The following USP34 variants were observed in gnomAD, a reference collection of about 807,000 sequenced individuals.
The protein encoded by USP34 is ubiquitin carboxyl-terminal hydrolase 34.
Under a neutral mutation model 460.3 loss-of-function variants are expected in USP34, and 70 were observed. The ratio of observed to expected loss-of-function variants is 0.15; its 90% CI spans 0.13 to 0.19. The LOEUF is 0.19. USP34 is among the 10% of genes least tolerant of loss of function. The pLI is 1.00. For missense variants in USP34, 3,985 were observed against 4,236.2 expected, an observed-to-expected ratio of 0.94 and a Z score of 1.65; for synonymous variants, 1,647 against 1,405.3, an observed-to-expected ratio of 1.17 and a Z score of -3.85.
At chr2:61,268,759 A>G (rs1287842425) in intron 41 of USP34, among the ~76,000 whole-genome samples, 1 of 152,184 alleles carries the variant, frequency 6.6e-6, no homozygotes, top group East Asian at 1.9e-4. Flanking sequence ...ATATAAAAAT[A>G]GAAAATAGGA....
intron 68 of USP34, 57 bp from the exon 69 acceptor site, chr2:61,211,986 A>G (rs576534916): frequency 6.6e-7 from 1 of 1,521,830 alleles, no homozygotes; most frequent in East Asian, 2.5e-5. Flanking sequence ...TTAGAAGGTC[A>G]GTTTCTCATT....
chr2:61,398,563 G>A (rs1250414485), intron 3 of USP34, among the ~76,000 whole-genome samples: 14 of 49,286 alleles, frequency 2.8e-4, no homozygotes, highest in Non-Finnish European at 2.7e-4. Flanking sequence ...AGGCGGAAGC[G>A]GGAAGAGGGG....
At chr2:61,395,122 G>A in intron 4 of USP34, 61 bp downstream of exon 4, 1 of 1,443,118 alleles carries the variant, frequency 6.9e-7, no homozygotes, top group South Asian at 1.3e-5. Context: ...AAAACATATG[G>A]ATGAGGCTTT....
chr2:61,239,468 C>T (rs78404002), intron 53 of USP34, among the ~76,000 whole-genome samples: 9,457 of 152,142 alleles, frequency 0.062, 546 homozygotes, highest in South Asian at 0.25. Context: ...CTGTTGGGTA[C>T]TTATATAAAG....
chr2:61,227,909 CTTAT>C (rs1032567674), intron 61 of USP34, among the ~76,000 whole-genome samples: 7 of 151,702 alleles, frequency 4.6e-5, no homozygotes, highest in Admixed American at 1.3e-4. Flanking sequence ...ATAAGAAATT[CTTAT>C]TTATAGTTCC....
chr2:61,379,326 C>G (rs1184301058), intron 7 of USP34, among the ~76,000 whole-genome samples: 1 of 152,134 alleles, frequency 6.6e-6, no homozygotes, highest in Non-Finnish European at 1.5e-5. Flanking sequence ...CCAGACCAGC[C>G]TGGCCAACAC....
At chr2:61,419,299 CACCACACCCG>C (rs1173048005) in intron 2 of USP34, among the ~76,000 whole-genome samples, 1 of 151,848 alleles carries the variant, frequency 6.6e-6, no homozygotes, top group Non-Finnish European at 1.5e-5. Flanking sequence ...AGGCATGAGC[CACCACACCCG>C]GCCAGGCCAC....
intron 1 of USP34, among the ~76,000 whole-genome samples, chr2:61,448,261 G>A (rs1695175484): frequency 6.6e-6 from 1 of 152,192 alleles, no homozygotes; most frequent in African/African-American, 2.4e-5. Flanking sequence ...ACTGCTTCAG[G>A]CCAGGAGTTC....
At position 61,278,798 on chromosome 2, in the gene USP34, T is replaced by C. The variant is rs116667718; in HGVS notation, c.5257-355A>G. 4.7e-3 allele frequency among the ~76,000 whole-genome samples: 721 copies of C among 151,874 alleles called. 6 individuals are homozygous for C. The highest frequency in any genetic ancestry group is 8.5e-3 in the Admixed American group (130 of 15,258). On this transcript the variant is annotated intron_variant, in intron 39 of 79. Transcript: ENST00000398571. Reference sequence around the variant, plus strand: ...TAAAGTATAATAAAAAAAAAAGTCATAGTAATCTATTAAGACACTGAAGTT... The same window carrying C: ...TAAAGTATAATAAAAAAAAAAGTCACAGTAATCTATTAAGACACTGAAGTT...
chr2:61,204,216 G>C, intron 74 of USP34, 40 bp downstream of exon 74: 2 of 1,613,408 alleles, frequency 1.2e-6, no homozygotes, highest in Non-Finnish European at 1.7e-6. Context: ...AAATTACTTT[G>C]TACTATAGCA....
At chr2:61,378,673 A>C (rs1030825319) in intron 7 of USP34, among the ~76,000 whole-genome samples, 1 of 152,166 alleles carries the variant, frequency 6.6e-6, no homozygotes, top group African/African-American at 2.4e-5. Context: ...TAGGAGGCCA[A>C]GGCAGGTGGA....
At chr2:61,204,169 A>T in intron 74 of USP34, 87 bp downstream of exon 74, 1 of 1,566,896 alleles carries the variant, frequency 6.4e-7, no homozygotes, top group Non-Finnish European at 8.7e-7. Context: ...TGGTCACTTA[A>T]GTCTAACCTA....
chr2:61,188,921 C>A lies in USP34; in HGVS notation c.10022G>T (p.Arg3341Ile). 1 of 1,614,040 alleles carries A rather than the reference C, an allele frequency of 6.2e-7. No individual in the cohort carries two copies. The highest frequency in any genetic ancestry group is 1.3e-5 in the African/African-American group (1 of 75,030). ...TCCATAAAGCTAACCTTTAGTTTTT[C>A]TTTCTTTGGCTTCTTGCTCTTGGAG... ...NSLQEQEAKE[R>I]KTKDDEGATP... Residue 3341 changes from arginine (R) to isoleucine (I), a missense_variant, in exon 79 of 80, where the codon AGA becomes ATA. Arg to Ile is a moderately conservative substitution (Grantham distance 97). Around this residue, in one of 14 missense-constraint regions of USP34, gnomAD observed 506 missense variants for 439.0 expected, o/e 1.15. Coordinates refer to ENST00000398571, the MANE Select transcript of USP34 (RefSeq NM_014709.4).
intron 75 of USP34, among the ~76,000 whole-genome samples, chr2:61,197,129 C>G: frequency 6.6e-6 from 1 of 151,694 alleles, no homozygotes; most frequent in Non-Finnish European, 1.5e-5. Flanking sequence ...AAATAAAATA[C>G]AAGAATTAGT....
At chr2:61,197,812 T>C (rs1488360509) in intron 75 of USP34, among the ~76,000 whole-genome samples, 1 of 152,128 alleles carries the variant, frequency 6.6e-6, no homozygotes, top group East Asian at 1.9e-4. Context: ...CAGGCTGGAG[T>C]GCAGTGGCTC....
At chr2:61,403,352 CATT>C (rs1458834888) in intron 3 of USP34, among the ~76,000 whole-genome samples, 1 of 152,062 alleles carries the variant, frequency 6.6e-6, no homozygotes, top group Non-Finnish European at 1.5e-5. Flanking sequence ...AGTTCTATAT[CATT>C]AAGAAATTTT....
intron 74 of USP34, among the ~76,000 whole-genome samples, chr2:61,203,829 C>A (rs1687039673): frequency 1.3e-5 from 2 of 151,196 alleles, no homozygotes; most frequent in Non-Finnish European, 2.9e-5. Context: ...AAGAAAGGAA[C>A]CAGACTAAAA....
rs777446822 is a variant in USP34 at position 61,188,020 on chromosome 2, C to G, written c.*82G>C. The G allele has an allele frequency of 1.1e-5, 16 of 1,523,534 alleles. No homozygotes were observed. The highest frequency in any genetic ancestry group is 1.4e-5 in the Non-Finnish European group (16 of 1,138,758). 94.4% of individuals were successfully genotyped at this position (1,523,534 alleles called of 1,614,324 possible). A position where few individuals can be genotyped will look rare whatever the true frequency, so the allele number is the denominator to read the frequency against. ...AGAGAGCACTGGACAAACTGAAGCA[C>G]AAAAACAAATAAGCAAAACTTATAC... On this transcript the variant is annotated 3_prime_UTR_variant, in exon 80 of 80. Transcript: ENST00000398571.
intron 48 of USP34, among the ~76,000 whole-genome samples, chr2:61,255,173 A>T (rs1424126278): frequency 6.6e-6 from 1 of 152,204 alleles, no homozygotes; most frequent in African/African-American, 2.4e-5. Flanking sequence ...TTTTCCAAGA[A>T]ATTCTACTGA....
Sources: gnomAD v4.1 joint callset for allele counts (sites outside exome capture counted in the v4.1 genomes callset) on GRCh38, gnomAD v4.1.1 for gene constraint, gnomAD v4.1.1 regional missense constraint, MANE v1.5 for transcripts, NCBI Gene and HGNC (gene_info 2026-07-23, HGNC 2026-07-21) for gene names.